SLC28A2: variants seen among roughly 807,000 people sequenced by gnomAD.
The protein encoded by SLC28A2 is solute carrier family 28 member 2, also known as sodium/nucleoside cotransporter 2.
Under a neutral mutation model 72.9 loss-of-function variants are expected in SLC28A2, and 69 were observed. That is an observed-to-expected ratio of 0.95 (90% CI 0.78 to 1.16). SLC28A2 has a LOEUF of 1.16. SLC28A2 is among the 50% of genes most tolerant of loss of function. The probability of loss-of-function intolerance (pLI) is 0.00; values close to 1 mark genes in which losing one functional copy is unlikely to be tolerated. For synonymous variants in SLC28A2, 296 were observed against 294.1 expected (o/e 1.01, Z -0.07); for missense variants, 745 against 791.1 (o/e 0.94, Z 0.70).
intron 3 of SLC28A2, 61 bp downstream of exon 3, chr15:45,253,581 G>C: frequency 9.7e-7 from 1 of 1,032,892 alleles, no homozygotes; most frequent in Non-Finnish European, 1.5e-6. Context: ...TGCCCCTTCA[G>C]GCAGCTTGTG....
chr15:45,255,044 C>A (rs12898652), intron 3 of SLC28A2: 71,723 of 151,682 alleles, frequency 0.47, 20,611 homozygotes, highest in Non-Finnish European at 0.66. Flanking sequence ...CACTTGAGCC[C>A]AGGAATTCAA....
chr15:45,255,420 T>G (rs1183970449), intron 3 of SLC28A2: 2 of 152,168 alleles, frequency 1.3e-5, no homozygotes, highest in Non-Finnish European at 2.9e-5. Flanking sequence ...ATGTGGTCTC[T>G]GTTGCAATTA....
At chr15:45,253,125 G>A in intron 1 of SLC28A2, 75 bp from the exon 2 acceptor site, 1 of 890,540 alleles carries the variant, frequency 1.1e-6, no homozygotes, top group Non-Finnish European at 1.8e-6. Flanking sequence ...TGGGTAACTG[G>A]TCCTAAAAAT....
At chr15:45,268,735 C>T (rs1900428913) in intron 13 of SLC28A2, among the ~76,000 whole-genome samples, 1 of 152,118 alleles carries the variant, frequency 6.6e-6, no homozygotes, top group African/African-American at 2.4e-5. Context: ...TATTGCGGCA[C>T]TATTCACATT....
intron 17 of SLC28A2, among the ~76,000 whole-genome samples, chr15:45,273,543 TA>T (rs1900656628): frequency 6.6e-6 from 1 of 152,208 alleles, no homozygotes. Context: ...TGAGAGATCA[TA>T]AGAAGCCTTG....
intron 1 of SLC28A2, 84 bp downstream of exon 1, chr15:45,252,362 T>C (rs1168053501): frequency 2.2e-6 from 1 of 452,322 alleles, no homozygotes; most frequent in African/African-American, 2.0e-5. Flanking sequence ...GCAGGTAGTT[T>C]TGTGCCTAGT....
chr15:45,275,540 T>G lies in SLC28A2; in HGVS notation c.*27T>G, dbSNP rs1355903518. 7.0e-7 allele frequency: 1 copy of G among 1,425,174 alleles called. No individual in the cohort carries two copies. Among genetic ancestry groups the G allele is most frequent in the Non-Finnish European group, 9.9e-7 (1 of 1,012,506 alleles). 88.3% of individuals were successfully genotyped at this position (1,425,174 alleles called of 1,614,324 possible). On this transcript the variant is annotated 3_prime_UTR_variant, in exon 18 of 18. Coordinates refer to ENST00000347644, the MANE Select transcript of SLC28A2 (RefSeq NM_004212.4). Reference sequence around the variant, plus strand: ...GCTGCTTGATCTATTTCTATAACAGTTTTGATCTTAAAAGCTTTGTGATTG... The same window carrying G: ...GCTGCTTGATCTATTTCTATAACAGGTTTGATCTTAAAAGCTTTGTGATTG...
Position 45,263,447 on chromosome 15 carries a change from CAGG to C in SLC28A2, c.446+209_446+211del, listed in dbSNP as rs919110307. Among the ~76,000 whole-genome samples the C allele has an allele frequency of 5.3e-5, 8 of 152,088 alleles. No homozygotes were observed. The East Asian group carries it at 5.8e-4, about 11-fold the overall frequency. ...CTTGGGTCTCAACATTGCTGGGGGG[CAGG>C]AGGAGTTTAGTTTCAGAGAAGAGTT... On this transcript the variant is annotated intron_variant, in intron 5 of 17. Coordinates refer to ENST00000347644, the MANE Select transcript of SLC28A2 (RefSeq NM_004212.4).
At chr15:45,261,916 C>A in intron 3 of SLC28A2, 99 bp from the exon 4 acceptor site, 1 of 804,446 alleles carries the variant, frequency 1.2e-6, no homozygotes. Flanking sequence ...TGACTAAGAG[C>A]TAATTCTGCC....
In SLC28A2 at chr15:45,270,277, G is replaced by A; in HGVS notation, c.1648+1G>A. On this transcript the variant is annotated splice_donor_variant, in intron 15 of 17. Transcript: ENST00000347644. LOFTEE classifies it high-confidence loss of function. ...ATAGGAATCACACTTGGAGGCTTGA[G>A]TGAGTTCATCCATTTTCCCAGCTCC... 6.2e-7 allele frequency: 1 copy of A among 1,605,570 alleles called. No homozygotes were observed. Among genetic ancestry groups the A allele is most frequent in the Non-Finnish European group, 8.5e-7 (1 of 1,172,294 alleles).
At chr15:45,265,885 G>T (rs11854365) in intron 9 of SLC28A2, among the ~76,000 whole-genome samples, 196 bp from the exon 10 acceptor site, 1 of 151,908 alleles carries the variant, frequency 6.6e-6, no homozygotes, top group African/African-American at 2.4e-5. Context: ...GAGTTTTAAT[G>T]TACTTGTTCT....
chr15:45,266,993 T>C (rs73415960), intron 10 of SLC28A2, among the ~76,000 whole-genome samples: 13,894 of 152,264 alleles, frequency 0.091, 2,030 homozygotes, highest in African/African-American at 0.31. Flanking sequence ...CATAACATTT[T>C]CACAAACATT....
At chr15:45,263,295 C>G (rs376281521) in intron 5 of SLC28A2, 51 bp downstream of exon 5, 1 of 1,560,382 alleles carries the variant, frequency 6.4e-7, no homozygotes, top group Non-Finnish European at 8.7e-7. Context: ...CAGCCCACCT[C>G]CTTTTTTCTC....
intron 13 of SLC28A2, among the ~76,000 whole-genome samples, chr15:45,268,603 G>C (rs1285704514): frequency 6.6e-6 from 1 of 152,202 alleles, no homozygotes; most frequent in Non-Finnish European, 1.5e-5. Flanking sequence ...GTGGAAGTCA[G>C]TGTGGTGACT....
Position 45,263,255 on chromosome 15 carries a change from A to C in SLC28A2, c.446+11A>C, listed in dbSNP as rs184452846. On this transcript the variant is annotated intron_variant, in intron 5 of 17. Coordinates refer to ENST00000347644, the MANE Select transcript of SLC28A2 (RefSeq NM_004212.4). ...GCTTTGGACGAAATGGTAAGATAAG[A>C]ATCTCAATACCTGGCCTCACAGCTT... is the stretch of plus-strand genomic sequence containing the variant. The C allele has an allele frequency of 3.9e-5, 63 of 1,612,136 alleles. No individual in the cohort carries two copies. The African/African-American group carries it at 8.2e-4, about 21-fold the overall frequency.
intron 15 of SLC28A2, chr15:45,272,040 G>A (rs879896455): frequency 2.6e-5 from 11 of 427,618 alleles, no homozygotes; most frequent in Non-Finnish European, 4.6e-5. Context: ...TCTTGGGTAT[G>A]TTCACAGAAC....
intron 7 of SLC28A2, 75 bp downstream of exon 7, chr15:45,264,843 G>T: frequency 2.2e-6 from 2 of 929,536 alleles, no homozygotes; most frequent in Admixed American, 1.8e-5. Context: ...AGCATGAGAA[G>T]ATTAGGCTGT....
intron 10 of SLC28A2, among the ~76,000 whole-genome samples, 178 bp downstream of exon 10, chr15:45,266,339 G>A (rs1255129948): frequency 1.3e-5 from 2 of 152,192 alleles, no homozygotes; most frequent in Non-Finnish European, 2.9e-5. Flanking sequence ...TTCACCCTTT[G>A]CGCCTAATAA....
intron 15 of SLC28A2, among the ~76,000 whole-genome samples, chr15:45,271,264 C>G (rs922963768): frequency 1.3e-5 from 2 of 152,030 alleles, no homozygotes; most frequent in Non-Finnish European, 2.9e-5. Context: ...TTGGAAGATC[C>G]AAGTTAGAAA....
Sources: allele counts gnomAD v4.1 joint callset (sites outside exome capture counted in the v4.1 genomes callset), GRCh38; gene constraint gnomAD v4.1.1; transcripts MANE v1.5; gene names NCBI Gene and HGNC (gene_info 2026-07-23, HGNC 2026-07-21).